Variants in ADCY9 observed in about 807,000 individuals in gnomAD.
The protein encoded by ADCY9 is adenylate cyclase 9, also known as adenylate cyclase type 9.
A neutral mutation model predicts 101.5 loss-of-function variants in ADCY9; 50 were observed. That is an observed-to-expected ratio of 0.49 (90% CI 0.39 to 0.62). ADCY9 has a LOEUF of 0.62. ADCY9 is among the 20% of genes least tolerant of loss of function. The pLI, the probability that ADCY9 is intolerant of heterozygous loss-of-function variation, is 0.00. For missense variants in ADCY9, 1,662 were observed against 1,800.4 expected (o/e 0.92, Z 1.39); for synonymous variants, 905 against 769.3 (o/e 1.18, Z -2.92).
At chr16:3,975,898 G>C (rs1796143517) in intron 9 of ADCY9, among the ~76,000 whole-genome samples, 1 of 152,160 alleles carries the variant, frequency 6.6e-6, no homozygotes, top group African/African-American at 2.4e-5. Context: ...GTTATACAAG[G>C]TATTACTGTA....
intron 7 of ADCY9, among the ~76,000 whole-genome samples, chr16:3,980,620 C>T (rs1263383763): frequency 6.6e-6 from 1 of 152,212 alleles, no homozygotes; most frequent in Non-Finnish European, 1.5e-5. Flanking sequence ...CGTGGTGTGG[C>T]CAGGCGAGGG....
At chr16:3,976,724 C>T (rs564193106) in intron 9 of ADCY9, among the ~76,000 whole-genome samples, 1 of 152,356 alleles carries the variant, frequency 6.6e-6, no homozygotes, top group South Asian at 2.1e-4. Context: ...ATGGCACAAT[C>T]TCAGCTCACT....
At chr16:4,030,824 C>G (rs78072331) in intron 2 of ADCY9, among the ~76,000 whole-genome samples, 2,845 of 152,144 alleles carry the variant, frequency 0.019, 97 homozygotes, top group African/African-American at 0.066. Context: ...AAGTGGGTAG[C>G]GTTGGGAGGG....
intron 3 of ADCY9, among the ~76,000 whole-genome samples, chr16:3,999,152 G>T (rs553937316): frequency 6.6e-6 from 1 of 152,216 alleles, no homozygotes; most frequent in East Asian, 1.9e-4. Flanking sequence ...CTGACTCCAG[G>T]AAGCTGCAGG....
At chr16:4,091,843 T>A (rs945609776) in intron 2 of ADCY9, among the ~76,000 whole-genome samples, 2 of 152,064 alleles carry the variant, frequency 1.3e-5, no homozygotes, top group Non-Finnish European at 2.9e-5. Context: ...GGGTGTAGGG[T>A]TTCCTTCTAG....
At chr16:3,968,323 G>C (rs1178184035) in intron 10 of ADCY9, among the ~76,000 whole-genome samples, 2 of 151,790 alleles carry the variant, frequency 1.3e-5, no homozygotes, top group African/African-American at 4.8e-5. Context: ...GTAGAGACGG[G>C]GTTTCTCCAT....
At chr16:3,993,257 C>T in intron 4 of ADCY9, 149 bp downstream of exon 4, 1 of 1,406,422 alleles carries the variant, frequency 7.1e-7, no homozygotes, top group South Asian at 1.5e-5. Flanking sequence ...CTGCCGGTCT[C>T]TTCAACACCC....
At chr16:3,998,758 GAAAAGAAAAGAAAAGAAAAGA>G (rs2056308698) in intron 3 of ADCY9, among the ~76,000 whole-genome samples, 1 of 4,952 alleles carries the variant, frequency 2.0e-4, no homozygotes, top group African/African-American at 8.3e-4. Context: ...AGAAAGAAAA[GAAAAGAAAAGAAAAGAAAAGA>G]AAAGAAAAGA....
chr16:3,983,568 T>A, intron 6 of ADCY9, 128 bp from the exon 7 acceptor site: 1 of 762,272 alleles, frequency 1.3e-6, no homozygotes, highest in African/African-American at 1.7e-5. Context: ...GCAGGAAGGC[T>A]CTCGGAGGGC....
In ADCY9 at chr16:3,965,711, G is replaced by T; in HGVS notation, c.*64C>A. 6.7e-7 allele frequency: 1 copy of T among 1,489,448 alleles called. No individual in the cohort carries two copies. Among genetic ancestry groups the T allele is most frequent in the Non-Finnish European group, 9.1e-7 (1 of 1,094,862 alleles). The allele number at this position is 1,489,448 out of a possible 1,614,324, so 92.3% of individuals were successfully genotyped here. ...ACTGTGGCGCTTGGAAAGCACAACA[G>T]CCAAATACAAATATTACTGTGTTTC... On this transcript the variant is annotated 3_prime_UTR_variant, in exon 11 of 11. Coordinates refer to ENST00000294016, the MANE Select transcript of ADCY9 (RefSeq NM_001116.4).
At chr16:3,998,731 A>AAAG (rs2056307281) in intron 3 of ADCY9, among the ~76,000 whole-genome samples, 1 of 143,086 alleles carries the variant, frequency 7.0e-6, no homozygotes, top group Non-Finnish European at 1.5e-5. Flanking sequence ...AAAAAAAAAA[A>AAAG]AAAAGAAAAG....
chr16:3,987,405 C>T (rs1448872366), intron 6 of ADCY9, among the ~76,000 whole-genome samples: 4 of 152,232 alleles, frequency 2.6e-5, no homozygotes, highest in Non-Finnish European at 2.9e-5. Context: ...GCGGCCCGGA[C>T]GCCTGGTTTG....
At chr16:3,983,077 C>G (rs746786002) in intron 7 of ADCY9, 155 bp downstream of exon 7, 37 of 723,468 alleles carry the variant, frequency 5.1e-5, no homozygotes, top group Admixed American at 1.5e-4. Context: ...GATGCTGGGG[C>G]ACAGGGCTCG....
intron 2 of ADCY9, among the ~76,000 whole-genome samples, chr16:4,011,291 G>A (rs188029969): frequency 1.8e-3 from 267 of 152,294 alleles, no homozygotes; most frequent in Middle Eastern, 0.017. Flanking sequence ...ACGTGTGGAG[G>A]GAATGGCCAG....
Position 4,029,651 on chromosome 16 carries a change from G to A in ADCY9, c.1694-22093C>T, listed in dbSNP as rs138447105. ...AATCCCAGCTACTGGGGAGACTGAG[G>A]CAAAAGAATGTTGAACCCGGGAGGT... On this transcript the variant is annotated intron_variant, in intron 2 of 10. Coordinates refer to ENST00000294016, the MANE Select transcript of ADCY9 (RefSeq NM_001116.4). 1.7e-3 allele frequency among the ~76,000 whole-genome samples: 266 copies of A among 152,272 alleles called. 2 individuals carry two copies. The highest frequency in any genetic ancestry group is 6.2e-3 in the African/African-American group (257 of 41,550).
chr16:3,979,263 G>C lies in ADCY9; in HGVS notation c.2532C>G (p.Phe844Leu). 6.2e-7 allele frequency: 1 copy of C among 1,613,844 alleles called. No individual in the cohort carries two copies. Among genetic ancestry groups the C allele is most frequent in the Non-Finnish European group, 8.5e-7 (1 of 1,179,934 alleles). Reference protein sequence around the residue: ...SLAVSIRMVFFLEDVMACTKR... With the variant: ...SLAVSIRMVFLLEDVMACTKR... ...TGGTGCAGGCCATGACGTCCTCCAG[G>C]AAGAACACCATCCTGCGAGAGGCAT... The change falls in exon 8 of 11, where the codon TTC (phenylalanine) becomes TTG (leucine). Residue 844 changes from phenylalanine (F) to leucine (L), a missense_variant. This residue lies in a region of ADCY9 where 624 missense variants were observed against 639.1 expected (regional missense o/e 0.98). Transcript: ENST00000294016.
At chr16:4,031,704 C>T (rs2056556334) in intron 2 of ADCY9, among the ~76,000 whole-genome samples, 2 of 150,726 alleles carry the variant, frequency 1.3e-5, no homozygotes, top group African/African-American at 2.4e-5. Context: ...GGTAACATGG[C>T]GAAACCACTG....
At chr16:3,959,222 G>A (rs1052927352), downstream of ADCY9, among the ~76,000 whole-genome samples, 8 of 152,186 alleles carry the variant, frequency 5.3e-5, no homozygotes, top group East Asian at 3.9e-4. Context: ...CCAGCAGGGC[G>A]TAGTGGCACG....
chr16:4,084,901 T>C (rs937968391), intron 2 of ADCY9, among the ~76,000 whole-genome samples: 6 of 152,154 alleles, frequency 3.9e-5, no homozygotes, highest in Non-Finnish European at 8.8e-5. Flanking sequence ...TTTATGATAC[T>C]CATATCAACT....
Sources: allele counts gnomAD v4.1 joint callset (sites outside exome capture counted in the v4.1 genomes callset), GRCh38; gene constraint gnomAD v4.1.1; regional missense constraint gnomAD v4.1.1; transcripts MANE v1.5; gene names NCBI Gene and HGNC (gene_info 2026-07-23, HGNC 2026-07-21).